SLC4A4: variants seen among roughly 807,000 people sequenced by gnomAD.
The protein encoded by SLC4A4 is electrogenic sodium bicarbonate cotransporter 1.
In SLC4A4, 27 loss-of-function variants were observed where a neutral mutation model predicts 111.5. The observed-to-expected ratio is 0.24, with a 90% CI of 0.18 to 0.33. SLC4A4 has a LOEUF of 0.33. Among genes scored for constraint, SLC4A4 ranks in the 10% least tolerant of loss-of-function variants. The probability of loss-of-function intolerance (pLI) is 1.00; values close to 1 mark genes in which losing one functional copy is unlikely to be tolerated. For synonymous variants in SLC4A4, 443 were observed against 463.4 expected, an observed-to-expected ratio of 0.96 and a Z score of 0.57; for missense variants, 909 against 1,315.5, an observed-to-expected ratio of 0.69 and a Z score of 4.78.
At chr4:71,107,709 TG>T (rs1246698530) in intron 2 of SLC4A4, among the ~76,000 whole-genome samples, 1 of 29,130 alleles carries the variant, frequency 3.4e-5, no homozygotes. Context: ...ATTTCTTTCT[TG>T]TTTTTTTTTT....
At chr4:71,511,238 T>C (rs1731884893) in intron 16 of SLC4A4, among the ~76,000 whole-genome samples, 1 of 152,182 alleles carries the variant, frequency 6.6e-6, no homozygotes. Flanking sequence ...TTTCAGTTAC[T>C]AATTAGAATC....
In SLC4A4 at chr4:71,255,314, A is replaced by C; in HGVS notation, c.168A>C (p.Glu56Asp). 2 of 1,613,560 alleles carry C rather than the reference A, an allele frequency of 1.2e-6. No individual in the cohort carries two copies. Among genetic ancestry groups the C allele is most frequent in the South Asian group, 2.2e-5 (2 of 91,082 alleles). ...KRKTGHKEKK[E>D]KERISENYSD... is the part of the protein sequence containing the mutation. ...AGACAGGGCACAAAGAAAAGAAGGA[A>C]AAGGAGAGAATCTCTGAGAACTACT... is the stretch of plus-strand genomic sequence containing the variant. Residue 56 changes from glutamate to aspartate, a missense_variant, in exon 3 of 26, where the codon GAA (glutamate) becomes GAC (aspartate). Physicochemically the swap from Glu to Asp is conservative, Grantham distance 45. Coordinates refer to ENST00000264485, the MANE Select transcript of SLC4A4 (RefSeq NM_001098484.3).
intron 1 of SLC4A4, among the ~76,000 whole-genome samples, chr4:71,215,153 A>G (rs1175378040): frequency 6.6e-6 from 1 of 152,242 alleles, no homozygotes; most frequent in Non-Finnish European, 1.5e-5. Flanking sequence ...GTTGGATCAC[A>G]AATGTCATTT....
intron 6 of SLC4A4, among the ~76,000 whole-genome samples, chr4:71,368,099 C>T (rs1409932958): frequency 6.6e-6 from 1 of 152,068 alleles, no homozygotes; most frequent in Non-Finnish European, 1.5e-5. Context: ...GTTGTGATTC[C>T]TTAAAGGATA....
At chr4:71,380,623 A>G (rs1393254138) in intron 6 of SLC4A4, among the ~76,000 whole-genome samples, 1 of 152,212 alleles carries the variant, frequency 6.6e-6, no homozygotes, top group Non-Finnish European at 1.5e-5. Flanking sequence ...CACAATGGTT[A>G]TTATCATGAG....
At chr4:71,139,124 C>T (rs1250545168) in intron 2 of SLC4A4, among the ~76,000 whole-genome samples, 2 of 149,416 alleles carry the variant, frequency 1.3e-5, no homozygotes, top group Non-Finnish European at 3.0e-5. Context: ...AGGGATCATT[C>T]GGTTGGAAGG....
At chr4:71,493,280 T>C (rs1477374565) in intron 15 of SLC4A4, among the ~76,000 whole-genome samples, 1 of 152,008 alleles carries the variant, frequency 6.6e-6, no homozygotes, top group Non-Finnish European at 1.5e-5. Context: ...CTATTTGTTG[T>C]TTACCTGAAA....
intron 1 of SLC4A4, among the ~76,000 whole-genome samples, chr4:71,230,017 G>C (rs1719312651): frequency 6.6e-6 from 1 of 151,876 alleles, no homozygotes. Context: ...AAAATGTGCA[G>C]AGCAGATTTT....
intron 1 of SLC4A4, among the ~76,000 whole-genome samples, chr4:71,213,647 C>T (rs1014456967): frequency 6.6e-6 from 1 of 152,162 alleles, no homozygotes; most frequent in Non-Finnish European, 1.5e-5. Flanking sequence ...CCCTGACCCC[C>T]ACCCAGAGTC....
intron 16 of SLC4A4, among the ~76,000 whole-genome samples, chr4:71,530,046 T>A (rs1004513063): frequency 6.6e-6 from 1 of 152,144 alleles, no homozygotes; most frequent in African/African-American, 2.4e-5. Flanking sequence ...TTTTCTCCAG[T>A]ATTGAGCCCC....
chr4:71,246,331 C>G (rs1209646968), intron 2 of SLC4A4, among the ~76,000 whole-genome samples: 1 of 152,192 alleles, frequency 6.6e-6, no homozygotes, highest in Non-Finnish European at 1.5e-5. Flanking sequence ...CGTGTTCTGA[C>G]TTTCCCAAGG....
chr4:71,374,638 C>G (rs1192825254), intron 6 of SLC4A4, among the ~76,000 whole-genome samples: 2 of 152,028 alleles, frequency 1.3e-5, no homozygotes. Context: ...ATTATGCTGA[C>G]TTTAGACAAC....
intron 3 of SLC4A4, chr4:71,300,949 C>A: frequency 1.9e-6 from 1 of 520,668 alleles, no homozygotes; most frequent in Non-Finnish European, 4.0e-6. Flanking sequence ...TTGTTAGTGC[C>A]ATAGATCAGG....
chr4:71,443,112 CTCTCTA>C (rs1454984149), intron 8 of SLC4A4, among the ~76,000 whole-genome samples: 25 of 97,636 alleles, frequency 2.6e-4, no homozygotes, highest in East Asian at 1.1e-3. Context: ...CTCTCTCTCT[CTCTCTA>C]TATATATATA....
chr4:71,420,949 A>G (rs560859792), intron 7 of SLC4A4, among the ~76,000 whole-genome samples: 2,628 of 148,778 alleles, frequency 0.018, 92 homozygotes, highest in African/African-American at 0.061. Flanking sequence ...ATAACCAGCT[A>G]ACATCATAAT....
chr4:71,522,719 C>A (rs1733064106), intron 16 of SLC4A4, among the ~76,000 whole-genome samples: 1 of 152,084 alleles, frequency 6.6e-6, no homozygotes, highest in African/African-American at 2.4e-5. Context: ...TTGGTGTAAT[C>A]ATAAGATTAT....
intron 6 of SLC4A4, among the ~76,000 whole-genome samples, chr4:71,375,135 T>C (rs1441979800): frequency 1.3e-5 from 2 of 152,334 alleles, no homozygotes; most frequent in East Asian, 3.9e-4. Flanking sequence ...TAGCTTGTTT[T>C]CTGGGGTCAG....
intron 7 of SLC4A4, among the ~76,000 whole-genome samples, chr4:71,423,897 C>A (rs13129265): frequency 0.2 from 30,040 of 152,004 alleles, 3,309 homozygotes; most frequent in South Asian, 0.42. Context: ...CCTAGAAGAA[C>A]GCCTAGGCAT....
chr4:71,418,165 A>C (rs1029006559), intron 7 of SLC4A4, among the ~76,000 whole-genome samples: 10 of 152,310 alleles, frequency 6.6e-5, no homozygotes, highest in African/African-American at 2.4e-4. Flanking sequence ...CTGTTTAGGA[A>C]ATCAGAACTA....
Sources: allele counts gnomAD v4.1 joint callset (sites outside exome capture counted in the v4.1 genomes callset), GRCh38; gene constraint gnomAD v4.1.1; transcripts MANE v1.5; gene names NCBI Gene and HGNC (gene_info 2026-07-23, HGNC 2026-07-21).